KDM4C: variants seen among roughly 807,000 people sequenced by gnomAD.
KDM4C encodes the protein lysine demethylase 4C.
In KDM4C, 81 loss-of-function variants were observed where a neutral mutation model predicts 129.3. That is an observed-to-expected ratio of 0.63 (90% CI 0.52 to 0.75). The LOEUF (loss-of-function observed/expected upper bound fraction) is 0.75, where lower values mean the gene tolerates loss of function less well. Ranked by LOEUF, KDM4C falls within the 30% of genes least tolerant of loss-of-function variation. The probability of loss-of-function intolerance (pLI) is 0.00; values close to 1 mark genes in which losing one functional copy is unlikely to be tolerated. For missense variants in KDM4C, 1,457 were observed against 1,304.0 expected (o/e 1.12, Z -1.81); for synonymous variants, 573 against 456.1 (o/e 1.26, Z -3.26).
intron 7 of KDM4C, among the ~76,000 whole-genome samples, chr9:6,890,183 A>G (rs1457829761): frequency 6.6e-6 from 1 of 152,230 alleles, no homozygotes; most frequent in African/African-American, 2.4e-5. Flanking sequence ...ATAGGGCAGC[A>G]CAATGGTAGC....
chr9:6,995,396 T>C (rs1406932247), intron 12 of KDM4C, among the ~76,000 whole-genome samples: 1 of 152,112 alleles, frequency 6.6e-6, no homozygotes, highest in Non-Finnish European at 1.5e-5. Flanking sequence ...CAGAGAATAG[T>C]TGCCATGGAG....
In KDM4C at chr9:6,793,031, A is replaced by G; in HGVS notation, c.43A>G (p.Lys15Glu). Reference protein sequence around the residue: ...EVESPLNPSCKIMTFRPSMEE... With the variant: ...EVESPLNPSCEIMTFRPSMEE... The stretch of plus-strand genomic sequence containing the variant: ...GGAAAGTCCTCTGAACCCCAGCTGT[A>G]AGATAATGACCTTCAGACCCTCCAT... Residue 15 changes from lysine to glutamate, a missense_variant, in exon 2 of 22, where the codon AAG becomes GAG. Physicochemically the swap from Lys to Glu is moderately conservative, Grantham distance 56. Transcript: ENST00000381309. 1 of 1,614,176 alleles carries G rather than the reference A, an allele frequency of 6.2e-7. No homozygotes were observed. The highest frequency in any genetic ancestry group is 2.2e-5 in the East Asian group (1 of 44,882).
At chr9:7,150,446 T>A (rs1842627881) in intron 19 of KDM4C, among the ~76,000 whole-genome samples, 1 of 152,178 alleles carries the variant, frequency 6.6e-6, no homozygotes, top group Admixed American at 6.5e-5. Context: ...TCACACACAG[T>A]GCCTTGTATT....
At chr9:7,082,302 T>A (rs1834617232) in intron 17 of KDM4C, among the ~76,000 whole-genome samples, 1 of 152,216 alleles carries the variant, frequency 6.6e-6, no homozygotes, top group Non-Finnish European at 1.5e-5. Flanking sequence ...GAATAATGTG[T>A]GTTCCACCTG....
intron 19 of KDM4C, among the ~76,000 whole-genome samples, chr9:7,161,268 C>G (rs989494558): frequency 6.6e-6 from 1 of 152,214 alleles, no homozygotes; most frequent in Non-Finnish European, 1.5e-5. Context: ...TGGAAATCCC[C>G]TGACTCCTTG....
chr9:7,065,541 C>T (rs968059653), intron 17 of KDM4C, among the ~76,000 whole-genome samples: 11 of 152,014 alleles, frequency 7.2e-5, no homozygotes, highest in African/African-American at 1.7e-4. Flanking sequence ...GACATATTTC[C>T]GCAAAAAGAA....
intron 8 of KDM4C, among the ~76,000 whole-genome samples, chr9:6,894,211 A>T (rs10815476): frequency 0.44 from 66,960 of 151,820 alleles, 15,285 homozygotes; most frequent in Middle Eastern, 0.59. Flanking sequence ...ATTGCATAAT[A>T]TATTAAAAGA....
intron 17 of KDM4C, among the ~76,000 whole-genome samples, chr9:7,055,489 C>G (rs1191952493): frequency 6.6e-6 from 1 of 152,188 alleles, no homozygotes; most frequent in Non-Finnish European, 1.5e-5. Context: ...AGCTACAAGC[C>G]TTTCCGTGTC....
chr9:6,802,437 G>C lies in KDM4C; in HGVS notation c.145-3162G>C, dbSNP rs1038946323. Among the ~76,000 whole-genome samples the C allele has an allele frequency of 4.6e-5, 7 of 152,192 alleles. No homozygotes were observed. The East Asian group carries it at 1.3e-3, about 29-fold the overall frequency. ...ATGCATGGATGTTTTAGAGACCCAT[G>C]TGCATATATGCACTAGAATATCTGT... On this transcript the variant is annotated intron_variant, in intron 2 of 21. Coordinates refer to ENST00000381309, the MANE Select transcript of KDM4C (RefSeq NM_015061.6).
rs577656994 is a variant in KDM4C at position 6,840,726 on chromosome 9, T to A, written c.436-8781T>A. ...GTTCTAATTTTCAAATAAGGAGTCCTGTAAGTTACTGACTGGGCACCTTCC... is the reference window on the plus strand; with the variant it reads ...GTTCTAATTTTCAAATAAGGAGTCCAGTAAGTTACTGACTGGGCACCTTCC... On this transcript the variant is annotated intron_variant, in intron 4 of 21. Coordinates refer to ENST00000381309, the MANE Select transcript of KDM4C (RefSeq NM_015061.6). 2.0e-5 allele frequency among the ~76,000 whole-genome samples: 3 copies of A among 152,336 alleles called. No individual in the cohort carries two copies. In the East Asian group the frequency reaches 5.8e-4, roughly 29 times the overall value.
chr9:6,787,525 G>A (rs755437756), intron 1 of KDM4C, among the ~76,000 whole-genome samples: 1 of 152,246 alleles, frequency 6.6e-6, no homozygotes, highest in South Asian at 2.1e-4. Flanking sequence ...GAGCCACCAC[G>A]CCCAGGCCCA....
At chr9:6,906,543 G>A (rs931077059) in intron 8 of KDM4C, among the ~76,000 whole-genome samples, 11 of 152,238 alleles carry the variant, frequency 7.2e-5, no homozygotes, top group Middle Eastern at 3.4e-3. Context: ...GGGACTACAG[G>A]TGCTCCCACC....
intron 12 of KDM4C, among the ~76,000 whole-genome samples, chr9:6,990,868 C>T (rs1818616163): frequency 6.6e-6 from 1 of 152,064 alleles, no homozygotes; most frequent in Non-Finnish European, 1.5e-5. Flanking sequence ...GGTTTCTTTA[C>T]ATTGTCTTTA....
Position 7,098,668 on chromosome 9 carries a change from C to G in KDM4C, c.2425-5017C>G, listed in dbSNP as rs145582517. Among the ~76,000 whole-genome samples the G allele has an allele frequency of 2.0e-5, 3 of 152,288 alleles. No homozygotes were observed. The East Asian group carries it at 5.8e-4, about 29-fold the overall frequency. Reference sequence around the variant, plus strand: ...CAGTGTCCTCCATTTCCTTCCCTCCCCAGCCACTCTTTAGCTGACTAGATA... The same window carrying G: ...CAGTGTCCTCCATTTCCTTCCCTCCGCAGCCACTCTTTAGCTGACTAGATA... On this transcript the variant is annotated intron_variant, in intron 17 of 21. Transcript: ENST00000381309.
chr9:7,173,189 G>T (rs545169976), intron 21 of KDM4C, among the ~76,000 whole-genome samples: 1 of 152,328 alleles, frequency 6.6e-6, no homozygotes, highest in African/African-American at 2.4e-5. Flanking sequence ...TTACTGAGTG[G>T]ATGTGTCAGG....
At chr9:6,903,123 CT>C (rs1817687628) in intron 8 of KDM4C, among the ~76,000 whole-genome samples, 1 of 152,044 alleles carries the variant, frequency 6.6e-6, no homozygotes, top group South Asian at 2.1e-4. Context: ...TTTCTATTAA[CT>C]GTTTAAAATT....
At chr9:6,740,439 G>C (rs1364525120) in intron 1 of KDM4C, among the ~76,000 whole-genome samples, 1 of 152,074 alleles carries the variant, frequency 6.6e-6, no homozygotes, top group East Asian at 1.9e-4. Flanking sequence ...TCCTGACCTT[G>C]TGATCCGCCC....
chr9:6,786,418 G>T (rs7045291), intron 1 of KDM4C, among the ~76,000 whole-genome samples: 93,883 of 151,954 alleles, frequency 0.62, 29,329 homozygotes, highest in African/African-American at 0.7. Flanking sequence ...CGTTTTTGCT[G>T]TAGGTGGTCT....
chr9:6,954,598 A>C (rs879719002), intron 8 of KDM4C, among the ~76,000 whole-genome samples: 1 of 152,168 alleles, frequency 6.6e-6, no homozygotes, highest in Admixed American at 6.6e-5. Context: ...ATATGTTAAT[A>C]ATGTGCAGGT....
Sources: allele counts gnomAD v4.1 joint callset (sites outside exome capture counted in the v4.1 genomes callset), GRCh38; gene constraint gnomAD v4.1.1; transcripts MANE v1.5; gene names NCBI Gene and HGNC (gene_info 2026-07-23, HGNC 2026-07-21).